The following TNRC18 variants were observed in gnomAD, a reference collection of about 807,000 sequenced individuals.
TNRC18 encodes trinucleotide repeat-containing gene 18 protein.
In TNRC18, 69 loss-of-function variants were observed where a neutral mutation model predicts 226.7. The observed-to-expected ratio is 0.30, with a 90% CI of 0.25 to 0.37. The LOEUF (loss-of-function observed/expected upper bound fraction) is 0.37. Among genes scored for constraint, TNRC18 ranks in the 10% least tolerant of loss-of-function variants. The pLI, the probability that TNRC18 is intolerant of heterozygous loss-of-function variation, is 1.00. For synonymous variants in TNRC18, 2,449 were observed against 1,927.6 expected (o/e 1.27, Z -7.09); for missense variants, 4,754 against 4,256.6 (o/e 1.12, Z -3.25).
At chr7:5,350,497 C>T (rs770680869) in intron 17 of TNRC18, among the ~76,000 whole-genome samples, 2 of 152,134 alleles carry the variant, frequency 1.3e-5, no homozygotes, top group Non-Finnish European at 2.9e-5. Flanking sequence ...CCCAGGGACA[C>T]GATGACACCT....
intron 2 of TNRC18, chr7:5,420,460 G>A (rs957646292): frequency 2.2e-6 from 1 of 453,540 alleles, no homozygotes; most frequent in Admixed American, 2.4e-5. Context: ...CAGGTTCCCA[G>A]GGCCGCCGTT....
At chr7:5,422,868 G>A (rs1184382346) in intron 1 of TNRC18, 1 of 152,226 alleles carries the variant, frequency 6.6e-6, no homozygotes, top group Non-Finnish European at 1.5e-5. Flanking sequence ...TCTTAAGGAG[G>A]CGATGAGCTT....
chr7:5,376,181 G>T lies in TNRC18; in HGVS notation c.2652C>A (p.Ala884=), dbSNP rs764968026. The stretch of plus-strand genomic sequence containing the variant: ...GGGGGCTGCGGCCCGGCGGGTACAG[G>T]GCGGGCCAGAGGGGCGGTACGGTGG... ...ERATVPPLWP[A]LYPPGRSPLH... is the part of the protein sequence containing the mutation. Residue 884 remains alanine (A), a synonymous_variant, in exon 9 of 30, where the codon GCC becomes GCA. Coordinates refer to ENST00000430969, the MANE Select transcript of TNRC18 (RefSeq NM_001080495.3). 1.3e-6 allele frequency: 2 copies of T among 1,562,738 alleles called. No individual in the cohort carries two copies. The highest frequency in any genetic ancestry group is 8.7e-7 in the Non-Finnish European group (1 of 1,155,766).
intron 15 of TNRC18, 56 bp downstream of exon 15, chr7:5,359,342 A>G: frequency 6.3e-7 from 1 of 1,591,890 alleles, no homozygotes; most frequent in Non-Finnish European, 8.6e-7. Flanking sequence ...CTCTTAACAC[A>G]CCCTCCAGAC....
intron 8 of TNRC18, 63 bp from the exon 9 acceptor site, chr7:5,376,287 G>T: frequency 7.5e-7 from 1 of 1,341,074 alleles, no homozygotes; most frequent in Non-Finnish European, 9.8e-7. Context: ...TGCCCATTAC[G>T]AGGGGAAGCT....
chr7:5,419,339 C>T (rs1382513107), intron 2 of TNRC18, among the ~76,000 whole-genome samples: 1 of 152,236 alleles, frequency 6.6e-6, no homozygotes, highest in Non-Finnish European at 1.5e-5. Flanking sequence ...CGCCCCTTCC[C>T]AGCCTCGAAA....
chr7:5,345,555 C>A lies in TNRC18; in HGVS notation c.5719+7G>T. ...ACCCCCACCGCAGCCCACCTGCTGCCACTTACCCAGCAGGCTCTGCCGCTC... is the reference window on the plus strand; with the variant it reads ...ACCCCCACCGCAGCCCACCTGCTGCAACTTACCCAGCAGGCTCTGCCGCTC... On this transcript the variant is annotated splice_region_variant and intron_variant, in intron 18 of 29. Transcript: ENST00000430969. 6.8e-7 allele frequency: 1 copy of A among 1,480,850 alleles called. No individual in the cohort carries two copies. 91.7% of individuals were successfully genotyped at this position (1,480,850 alleles called of 1,614,324 possible).
In TNRC18 at chr7:5,308,114, G is replaced by T. The variant is rs768432007; in HGVS notation, c.8899C>A (p.Leu2967Ile). 3.2e-6 allele frequency: 5 copies of T among 1,550,908 alleles called. No homozygotes were observed. The highest frequency in any genetic ancestry group is 4.4e-6 in the Non-Finnish European group (5 of 1,147,842). The part of the protein sequence containing the change: ...MIFSTDGVPV[L>I]C ...CGCAGGGCCCGGCGGGCTCAGCAGA[G>T]CACGGGCACGCCGTCCGTGGAGAAG... Residue 2967 changes from leucine to isoleucine, a missense_variant, in exon 30 of 30, where the codon CTC (leucine) becomes ATC (isoleucine). Transcript: ENST00000430969.
intron 9 of TNRC18, among the ~76,000 whole-genome samples, chr7:5,375,240 C>T (rs1045486941): frequency 1.3e-4 from 20 of 152,086 alleles, no homozygotes; most frequent in Admixed American, 6.6e-4. Flanking sequence ...ACCCAGGAGG[C>T]GGAGGTTGCA....
intron 2 of TNRC18, among the ~76,000 whole-genome samples, chr7:5,395,418 G>A (rs148451384): frequency 0.017 from 2,653 of 152,292 alleles, 42 homozygotes; most frequent in Middle Eastern, 0.044. Context: ...GGCCTGGGTG[G>A]AAGCCACAGC....
Position 5,351,915 on chromosome 7 carries a change from G to A in TNRC18, c.5374C>T (p.Pro1792Ser), listed in dbSNP as rs532213464. The change falls in exon 17 of 30, where the codon CCG (proline) becomes TCG (serine). Residue 1792 changes from proline to serine, a missense_variant. By Grantham distance (74) the Pro-to-Ser change is moderately conservative. Coordinates refer to ENST00000430969, the MANE Select transcript of TNRC18 (RefSeq NM_001080495.3). The stretch of plus-strand genomic sequence containing the variant: ...AACGGCTGCTTCCTGCTGGTGGCCG[G>A]CTTGGGTTTCAGAGTCCGGGGGGCC... ...LAAPRTLKPK[P>S]ATSRKQPFCL... is the part of the protein sequence containing the mutation. 1.2e-6 allele frequency: 2 copies of A among 1,613,682 alleles called. No individual in the cohort carries two copies. The highest frequency in any genetic ancestry group is 2.7e-5 in the African/African-American group (2 of 75,060).
chr7:5,354,471 C>A (rs1792139095), intron 16 of TNRC18, among the ~76,000 whole-genome samples: 1 of 151,962 alleles, frequency 6.6e-6, no homozygotes, highest in South Asian at 2.1e-4. Flanking sequence ...CTTCACTTTT[C>A]CAAAATGAGC....
At chr7:5,308,454 AAGAG>A in intron 29 of TNRC18, 142 bp from the exon 30 acceptor site, 1 of 749,198 alleles carries the variant, frequency 1.3e-6, no homozygotes, top group Non-Finnish European at 2.2e-6. Context: ...GAGGCTGAGT[AAGAG>A]ACAGACCAAC....
At chr7:5,327,357 ATGTGTGTGTTTGTGCGTGTGTGTGTG>A (rs1562496982) in intron 19 of TNRC18, among the ~76,000 whole-genome samples, 1 of 147,910 alleles carries the variant, frequency 6.8e-6, no homozygotes, top group East Asian at 2.0e-4. Context: ...AAAAATATAT[ATGTGTGTGTTTGTGCGTGTGTGTGTG>A]TGTGTGTGTG....
chr7:5,370,660 C>G lies in TNRC18; in HGVS notation c.3934G>C (p.Glu1312Gln), dbSNP rs1196904711. ...GTGCTGCCGAGTACAGGCACGGCCTCTTGGGGCTCCAGGCTCGGGCACTGT... is the reference window on the plus strand; with the variant it reads ...GTGCTGCCGAGTACAGGCACGGCCTGTTGGGGCTCCAGGCTCGGGCACTGT... The part of the protein sequence containing the change: ...EGQCPSLEPQ[E>Q]AVPVLGSTCF... The change falls in exon 11 of 30, where the codon GAG (glutamate) becomes CAG (glutamine). Residue 1312 changes from glutamate to glutamine, a missense_variant. Transcript: ENST00000430969. The G allele has an allele frequency of 6.2e-7, 1 of 1,612,868 alleles. No individual in the cohort carries two copies. Among genetic ancestry groups the G allele is most frequent in the East Asian group, 2.2e-5 (1 of 44,860 alleles).
chr7:5,336,018 C>T (rs368980591), intron 18 of TNRC18, among the ~76,000 whole-genome samples: 1 of 151,638 alleles, frequency 6.6e-6, no homozygotes, highest in Admixed American at 6.6e-5. Flanking sequence ...ACCAGCCTGG[C>T]CAACATGGCA....
In TNRC18 at chr7:5,389,037, A is replaced by T; in HGVS notation, c.787T>A (p.Ser263Thr). The T allele has an allele frequency of 7.7e-7, 1 of 1,303,406 alleles. No homozygotes were observed. Among genetic ancestry groups the T allele is most frequent in the Non-Finnish European group, 9.8e-7 (1 of 1,016,428 alleles). The allele number at this position is 1,303,406 out of a possible 1,614,324, so 80.7% of individuals were successfully genotyped here. Residue 263 changes from serine (S) to threonine (T), a missense_variant, in exon 5 of 30, where the codon TCG (serine) becomes ACG (threonine). By Grantham distance (58) the Ser-to-Thr change is moderately conservative. Coordinates refer to ENST00000430969, the MANE Select transcript of TNRC18 (RefSeq NM_001080495.3). ...RGPPRLAERLSPFLAESKTKN... is the reference protein window; with the variant it reads ...RGPPRLAERLTPFLAESKTKN... The stretch of plus-strand genomic sequence containing the variant: ...GTCTTGGACTCAGCCAGGAAGGGCG[A>T]CAGGCGCTCAGCCAGGCGCGGGGGC...
At position 5,387,935 on chromosome 7, in the gene TNRC18, G is replaced by A. The variant is rs775026540; in HGVS notation, c.1889C>T (p.Ala630Val). 5 of 1,597,088 alleles carry A rather than the reference G, an allele frequency of 3.1e-6. No individual in the cohort carries two copies. Among genetic ancestry groups the A allele is most frequent in the Non-Finnish European group, 4.3e-6 (5 of 1,173,048 alleles). Residue 630 changes from alanine (A) to valine (V), a missense_variant, in exon 5 of 30, where the codon GCC becomes GTC. Transcript: ENST00000430969. ...TGGGAGACGGGCCTGGGCTCGGGAGGCACCCGCAGAGGTGGGCGCAGGCTC... is the reference window on the plus strand; with the variant it reads ...TGGGAGACGGGCCTGGGCTCGGGAGACACCCGCAGAGGTGGGCGCAGGCTC... ...KPEPAPTSAG[A>V]SRAQARLPHS...
chr7:5,394,363 A>G lies in TNRC18; in HGVS notation c.343+77T>C. The G allele has an allele frequency of 7.3e-7, 1 of 1,361,734 alleles. No homozygotes were observed. The highest frequency in any genetic ancestry group is 9.7e-7 in the Non-Finnish European group (1 of 1,026,356). The allele number at this position is 1,361,734 out of a possible 1,614,324, so 84.4% of individuals were successfully genotyped here. ...AGCCCCAGCTCAGCGATGACAACAG[A>G]GGGGCACATGAAGTGGCCAGAGTGG... On this transcript the variant is annotated intron_variant, in intron 3 of 29. Transcript: ENST00000430969. The surrounding 1 kb of genome is among the most constrained non-coding windows in gnomAD (Gnocchi z 4.5).
Sources: allele counts gnomAD v4.1 joint callset (sites outside exome capture counted in the v4.1 genomes callset), GRCh38; gene constraint gnomAD v4.1.1; non-coding constraint Gnocchi (gnomAD v3.1); transcripts MANE v1.5; gene names NCBI Gene and HGNC (gene_info 2026-07-23, HGNC 2026-07-21).